The following PKHD1 variants were observed in gnomAD, a reference collection of about 807,000 sequenced individuals.
PKHD1 encodes the protein fibrocystin.
PKHD1 carries 291 observed loss-of-function variants against 412.0 expected under a neutral mutation model. That is an observed-to-expected ratio of 0.71 (90% CI 0.64 to 0.78). PKHD1 has a LOEUF of 0.78. Ranked by LOEUF, PKHD1 falls within the 30% of genes least tolerant of loss-of-function variation. The probability of loss-of-function intolerance (pLI) is 0.00; values close to 1 mark genes in which losing one functional copy is unlikely to be tolerated. For synonymous variants in PKHD1, 1,777 were observed against 1,821.5 expected, an observed-to-expected ratio of 0.98 and a Z score of 0.62; for missense variants, 4,825 against 4,950.7, an observed-to-expected ratio of 0.97 and a Z score of 0.76.
intron 55 of PKHD1, among the ~76,000 whole-genome samples, chr6:51,759,033 T>A (rs1383466318): frequency 6.6e-6 from 1 of 152,150 alleles, no homozygotes; most frequent in Non-Finnish European, 1.5e-5. Context: ...CCTCCAGGAA[T>A]AGGGATGGCC....
At chr6:51,912,910 A>T (rs1583334868) in intron 37 of PKHD1, among the ~76,000 whole-genome samples, 1 of 152,210 alleles carries the variant, frequency 6.6e-6, no homozygotes, top group East Asian at 1.9e-4. Context: ...TCTTTAGGGT[A>T]ATAAACTTGA....
intron 55 of PKHD1, among the ~76,000 whole-genome samples, chr6:51,755,418 G>T (rs1158276018): frequency 6.6e-6 from 1 of 152,164 alleles, no homozygotes; most frequent in Admixed American, 6.6e-5. Flanking sequence ...ATACAAGTGT[G>T]AATCGTAGAG....
intron 37 of PKHD1, among the ~76,000 whole-genome samples, chr6:51,913,611 C>G (rs550879687): frequency 6.6e-6 from 1 of 152,010 alleles, no homozygotes; most frequent in East Asian, 1.9e-4. Context: ...ACCTTTAGCC[C>G]GCAGCAAGTT....
Position 52,082,492 on chromosome 6 carries a change from G to C in PKHD1, c.181C>G (p.His61Asp). ...YPNNGSQLEI[H>D]LVNVNMVVPA... ...ACCACCATGTTCACGTTCACCAGGT[G>C]TATCTCCAATTGAGAGCCATTGTTG... Residue 61 changes from histidine (H) to aspartate (D), a missense_variant, in exon 4 of 67, where the codon CAC becomes GAC. Physicochemically the swap from His to Asp is moderately conservative, Grantham distance 81. Transcript: ENST00000371117. 6.2e-7 allele frequency: 1 copy of C among 1,613,958 alleles called. No individual in the cohort carries two copies. Among genetic ancestry groups the C allele is most frequent in the Non-Finnish European group, 8.5e-7 (1 of 1,179,838 alleles).
chr6:52,031,588 T>C (rs1394890178), intron 29 of PKHD1, among the ~76,000 whole-genome samples: 1 of 152,240 alleles, frequency 6.6e-6, no homozygotes, highest in African/African-American at 2.4e-5. Context: ...AGATTCCATT[T>C]TTCCTGACTG....
At chr6:52,069,017 C>T (rs1465278046) in intron 11 of PKHD1, among the ~76,000 whole-genome samples, 1 of 152,136 alleles carries the variant, frequency 6.6e-6, no homozygotes, top group Non-Finnish European at 1.5e-5. Context: ...CCAATTTTCA[C>T]ATTCATTTTT....
rs771220816 is a variant in PKHD1, at chr6:51,855,854, G to A, written c.7911+39C>T. On this transcript the variant is annotated intron_variant, in intron 49 of 66. Transcript: ENST00000371117. Reference sequence around the variant, plus strand: ...CAAACAAAGAAAGATAAGAACAAATGAGAATGCAGCATACCAACTAATGGA... The same window carrying A: ...CAAACAAAGAAAGATAAGAACAAATAAGAATGCAGCATACCAACTAATGGA... The A allele has an allele frequency of 5.5e-6, 8 of 1,452,482 alleles. No individual in the cohort carries two copies. In the Admixed American group the frequency reaches 1.3e-4, roughly 24 times the overall value. The allele number at this position is 1,452,482 out of a possible 1,614,324, so 90.0% of individuals were successfully genotyped here. A position where few individuals can be genotyped will look rare whatever the true frequency, so the allele number is the denominator to read the frequency against.
Position 51,754,875 on chromosome 6 carries a change from A to G in PKHD1, c.8706T>C (p.Ser2902=), listed in dbSNP as rs897146612. ...GGACCTCTGCTTCATGAGGCTCATA[A>G]GAAGAGGAGCTAAGGACTATTTTGT... ...PHDKIVLSSS[S]YEPHEAEVLT... The change falls in exon 56 of 67, where the codon TCT becomes TCC. Residue 2902 remains serine, a synonymous_variant. Transcript: ENST00000371117. 1.9e-6 allele frequency: 3 copies of G among 1,613,128 alleles called. No individual in the cohort carries two copies. Among genetic ancestry groups the G allele is most frequent in the Admixed American group, 1.7e-5 (1 of 59,966 alleles).
At chr6:52,055,368 C>T (rs1036725910) in intron 19 of PKHD1, among the ~76,000 whole-genome samples, 1 of 152,232 alleles carries the variant, frequency 6.6e-6, no homozygotes, top group Non-Finnish European at 1.5e-5. Context: ...AGTCTCACAG[C>T]TAATACAAAG....
chr6:51,873,351 G>C (rs977779364), intron 46 of PKHD1, among the ~76,000 whole-genome samples: 5 of 152,334 alleles, frequency 3.3e-5, no homozygotes, highest in Non-Finnish European at 7.3e-5. Flanking sequence ...GCTGAATAAT[G>C]CTTGCCCTTT....
intron 52 of PKHD1, among the ~76,000 whole-genome samples, chr6:51,815,135 A>T (rs1765245962): frequency 6.6e-6 from 1 of 152,194 alleles, no homozygotes; most frequent in Non-Finnish European, 1.5e-5. Context: ...AGTCCTGGAA[A>T]TACTTTAGTA....
intron 37 of PKHD1, among the ~76,000 whole-genome samples, chr6:51,916,915 C>T (rs1472808985): frequency 6.6e-6 from 1 of 152,058 alleles, no homozygotes; most frequent in African/African-American, 2.4e-5. Flanking sequence ...TCATTTACTC[C>T]CACTAATGAC....
intron 35 of PKHD1, among the ~76,000 whole-genome samples, chr6:51,994,684 C>T (rs552442716): frequency 6.4e-4 from 97 of 152,154 alleles, no homozygotes; most frequent in African/African-American, 2.3e-3. Flanking sequence ...TAGGCTGAGG[C>T]GATCCTCCCA....
At chr6:51,763,629 C>G (rs1788418800) in intron 55 of PKHD1, among the ~76,000 whole-genome samples, 1 of 152,056 alleles carries the variant, frequency 6.6e-6, no homozygotes, top group Admixed American at 6.6e-5. Context: ...TAAACTTAGT[C>G]CTCCTCAAGT....
At chr6:51,645,682 C>T (rs377686720) in intron 63 of PKHD1, among the ~76,000 whole-genome samples, 2 of 152,170 alleles carry the variant, frequency 1.3e-5, no homozygotes, top group African/African-American at 4.8e-5. Flanking sequence ...CACGAACCGC[C>T]GTTCCCAGCC....
intron 55 of PKHD1, among the ~76,000 whole-genome samples, chr6:51,764,355 C>T (rs979579702): frequency 2.7e-5 from 4 of 149,172 alleles, no homozygotes; most frequent in African/African-American, 9.8e-5. Flanking sequence ...AAATCAAAAC[C>T]ACTATGAGAT....
At chr6:52,085,058 G>C in intron 1 of PKHD1, 41 bp from the exon 2 acceptor site, 2 of 762,750 alleles carry the variant, frequency 2.6e-6, no homozygotes, top group Non-Finnish European at 4.8e-6. Flanking sequence ...TTATCATTTT[G>C]TTTACATACG....
chr6:51,834,248 G>A (rs1296397286), intron 51 of PKHD1, among the ~76,000 whole-genome samples: 2 of 152,146 alleles, frequency 1.3e-5, no homozygotes, highest in Non-Finnish European at 2.9e-5. Context: ...TCGCTGATGG[G>A]GGAAAGTGTG....
chr6:51,756,824 ATAGT>A (rs1787095055), intron 55 of PKHD1, among the ~76,000 whole-genome samples: 1 of 152,150 alleles, frequency 6.6e-6, no homozygotes, highest in South Asian at 2.1e-4. Context: ...CCTTTACTTC[ATAGT>A]TAGTATTTCT....
Sources: gnomAD v4.1 joint callset for allele counts (sites outside exome capture counted in the v4.1 genomes callset) on GRCh38, gnomAD v4.1.1 for gene constraint, MANE v1.5 for transcripts, NCBI Gene and HGNC (gene_info 2026-07-23, HGNC 2026-07-21) for gene names.